The following SNX29 variants were observed in gnomAD, a reference collection of about 807,000 sequenced individuals.
SNX29 encodes the protein sorting nexin-29.
SNX29 carries 78 observed loss-of-function variants against 102.1 expected under a neutral mutation model. The observed-to-expected ratio is 0.76, with a 90% CI of 0.64 to 0.92. SNX29 has a LOEUF of 0.92. SNX29 is among the 40% of genes least tolerant of loss of function. The pLI is 0.00. For missense variants in SNX29, 1,280 were observed against 1,061.7 expected (o/e 1.21, Z -2.86); for synonymous variants, 580 against 414.5 (o/e 1.40, Z -4.85).
At chr16:12,267,617 T>C (rs2078966693) in intron 14 of SNX29, among the ~76,000 whole-genome samples, 1 of 152,180 alleles carries the variant, frequency 6.6e-6, no homozygotes, top group African/African-American at 2.4e-5. Flanking sequence ...GGAGCAGCCA[T>C]GTGTGCTCAG....
rs1460487179 is a variant in SNX29, at chr16:12,135,530, T to A, written c.1595+5772T>A. ...TTGAGAGGATGGTGCCAGCCAGTTC[T>A]CTTTGCTATTTTGTTGGCAGCTATC... On this transcript the variant is annotated intron_variant, in intron 13 of 20. Transcript: ENST00000566228. 4 of 1,320,756 alleles carry A rather than the reference T, an allele frequency of 3.0e-6. No individual in the cohort carries two copies. The South Asian group carries it at 4.9e-5, about 16-fold the overall frequency. The allele number at this position is 1,320,756 out of a possible 1,614,324, so 81.8% of individuals were successfully genotyped here. A position where few individuals can be genotyped will look rare whatever the true frequency, so the allele number is the denominator to read the frequency against.
chr16:12,094,788 G>A (rs1392332116), intron 11 of SNX29, among the ~76,000 whole-genome samples: 1 of 151,998 alleles, frequency 6.6e-6, no homozygotes, highest in Non-Finnish European at 1.5e-5. Flanking sequence ...AGTCCCAAAC[G>A]ACAGTACTTG....
intron 20 of SNX29, chr16:12,527,538 C>T (rs1329044126): frequency 1.3e-5 from 5 of 399,426 alleles, no homozygotes; most frequent in Non-Finnish European, 2.4e-5. Context: ...CCCCATTTTC[C>T]TGTGGATGTC....
intron 13 of SNX29, among the ~76,000 whole-genome samples, chr16:12,168,346 C>T (rs574867682): frequency 3.3e-5 from 5 of 152,254 alleles, no homozygotes; most frequent in South Asian, 4.1e-4. Context: ...TAGAGGAAAG[C>T]GTGATTCCCC....
Position 12,481,513 on chromosome 16 carries a change from G to GACACAC in SNX29, c.2178+3691_2178+3696dup, listed in dbSNP as rs59650769. On this transcript the variant is annotated intron_variant, in intron 19 of 20. Coordinates refer to ENST00000566228, the MANE Select transcript of SNX29 (RefSeq NM_032167.5). ...ATACACATATGTACATATACATATA[G>GACACAC]ACACACACACACACACACACACACA... Among the ~76,000 whole-genome samples, 269 of 125,656 alleles carry GACACAC rather than the reference G, an allele frequency of 2.1e-3. 1 individual carries two copies. Among genetic ancestry groups the GACACAC allele is most frequent in the East Asian group, 6.6e-3 (30 of 4,532 alleles). The allele number at this position is 125,656 out of a possible 152,430, so 82.4% of individuals were successfully genotyped here. A position where few individuals can be genotyped will look rare whatever the true frequency, so the allele number is the denominator to read the frequency against.
chr16:12,252,074 C>T (rs1437953217), intron 14 of SNX29, among the ~76,000 whole-genome samples: 1 of 152,146 alleles, frequency 6.6e-6, no homozygotes, highest in Non-Finnish European at 1.5e-5. Context: ...TAACTAATTT[C>T]CTTGCAAGAA....
In SNX29 at chr16:12,278,035, A is replaced by C; in HGVS notation, c.1781A>C (p.Glu594Ala). 6 of 1,595,470 alleles carry C rather than the reference A, an allele frequency of 3.8e-6. No individual in the cohort carries two copies. The highest frequency in any genetic ancestry group is 5.1e-6 in the Non-Finnish European group (6 of 1,170,720). The change falls in exon 15 of 21, where the codon GAG becomes GCG. Residue 594 changes from glutamate (E) to alanine (A), a missense_variant and splice_region_variant. Transcript: ENST00000566228. ...LASSYERKLI[E>A]VAEMHGELIE... ...AGCTCCTACGAAAGAAAGCTCATCG[A>C]GGTAAGGCCGGTGGAGTCTGTGTGT...
intron 18 of SNX29, among the ~76,000 whole-genome samples, chr16:12,457,771 C>G (rs1167271573): frequency 1.3e-5 from 2 of 152,114 alleles, no homozygotes; most frequent in African/African-American, 2.4e-5. Flanking sequence ...AATTTTAAAA[C>G]AAAATTGAAT....
At chr16:12,307,945 G>C (rs2856766) in intron 15 of SNX29, among the ~76,000 whole-genome samples, 71,934 of 151,994 alleles carry the variant, frequency 0.47, 17,658 homozygotes, top group Non-Finnish European at 0.55. Flanking sequence ...GGGTCTGTTT[G>C]AGTTGTCTTC....
Position 12,207,824 on chromosome 16 carries a change from C to A in SNX29, c.1678+8141C>A, listed in dbSNP as rs543047844. Among the ~76,000 whole-genome samples, 10 of 152,264 alleles carry A rather than the reference C, an allele frequency of 6.6e-5. No homozygotes were observed. In the South Asian group the frequency reaches 2.1e-3, roughly 32 times the overall value. ...AGCAGAGTCTGGCATTTGCTTTTTGCTATTATGGGTTATTCTGTGGTCACG... is the reference window on the plus strand; with the variant it reads ...AGCAGAGTCTGGCATTTGCTTTTTGATATTATGGGTTATTCTGTGGTCACG... On this transcript the variant is annotated intron_variant, in intron 14 of 20. Transcript: ENST00000566228.
At chr16:12,129,035 C>A (rs1180850113) in intron 12 of SNX29, among the ~76,000 whole-genome samples, 2 of 152,172 alleles carry the variant, frequency 1.3e-5, no homozygotes, top group Non-Finnish European at 2.9e-5. Context: ...ATGTAAAATG[C>A]TATCTCTGCT....
At chr16:12,542,507 T>G (rs2077388025) in intron 20 of SNX29, among the ~76,000 whole-genome samples, 1 of 152,228 alleles carries the variant, frequency 6.6e-6, no homozygotes, top group Non-Finnish European at 1.5e-5. Flanking sequence ...CATTTTTGTA[T>G]TTTTAGGAGA....
intron 19 of SNX29, among the ~76,000 whole-genome samples, chr16:12,499,154 T>C (rs3915983): frequency 0.056 from 8,584 of 152,276 alleles, 530 homozygotes; most frequent in East Asian, 0.23. Flanking sequence ...GGGTTCTATA[T>C]GGGCATTCTT....
chr16:12,177,270 G>T (rs2076281632), intron 13 of SNX29, among the ~76,000 whole-genome samples: 1 of 152,134 alleles, frequency 6.6e-6, no homozygotes, highest in East Asian at 1.9e-4. Context: ...GTTTTTCTCT[G>T]TTTTACTTCT....
At chr16:12,233,668 T>A (rs970602731) in intron 14 of SNX29, among the ~76,000 whole-genome samples, 1 of 152,216 alleles carries the variant, frequency 6.6e-6, no homozygotes, top group Non-Finnish European at 1.5e-5. Flanking sequence ...AGTGTATGAT[T>A]TAATGATTTT....
intron 13 of SNX29, chr16:12,135,612 G>T: frequency 1.5e-6 from 2 of 1,345,132 alleles, no homozygotes; most frequent in Non-Finnish European, 2.0e-6. Flanking sequence ...GTGGAGAAAT[G>T]GAGGGAGAGA....
In SNX29 at chr16:12,568,540, C is replaced by G; in HGVS notation, c.2353C>G (p.Arg785Gly). The change falls in exon 21 of 21, where the codon CGG (arginine) becomes GGG (glycine). Residue 785 changes from arginine to glycine, a missense_variant. Physicochemically the swap from Arg to Gly is moderately radical, Grantham distance 125. Transcript: ENST00000566228. ...ITPPGEPVNS[R>G]PKAASRFPKL... is the part of the protein sequence containing the mutation. ...CCCGCCCGGAGAGCCTGTGAACAGC[C>G]GGCCCAAAGCAGCTTCCCGCTTCCC... The G allele has an allele frequency of 1.2e-6, 2 of 1,609,684 alleles. No homozygotes were observed. Among genetic ancestry groups the G allele is most frequent in the Non-Finnish European group, 1.7e-6 (2 of 1,179,842 alleles).
chr16:12,302,852 A>G (rs926983661), intron 15 of SNX29, among the ~76,000 whole-genome samples: 3 of 152,218 alleles, frequency 2.0e-5, no homozygotes, highest in Admixed American at 6.5e-5. Flanking sequence ...CACATTTTCT[A>G]AAAGCACTTC....
At chr16:12,406,648 C>A (rs1336304896) in intron 18 of SNX29, among the ~76,000 whole-genome samples, 7 of 152,196 alleles carry the variant, frequency 4.6e-5, no homozygotes, top group Non-Finnish European at 1.0e-4. Flanking sequence ...TGGCTCATGC[C>A]TATAATCCCA....
Sources: gnomAD v4.1 joint callset for allele counts (sites outside exome capture counted in the v4.1 genomes callset) on GRCh38, gnomAD v4.1.1 for gene constraint, MANE v1.5 for transcripts, NCBI Gene and HGNC (gene_info 2026-07-23, HGNC 2026-07-21) for gene names.